MACROD2: variants seen among roughly 807,000 people sequenced by gnomAD.
MACROD2 encodes the protein ADP-ribose glycohydrolase MACROD2.
MACROD2 carries 36 observed loss-of-function variants against 70.4 expected under a neutral mutation model. The ratio of observed to expected loss-of-function variants is 0.51; its 90% confidence interval spans 0.39 to 0.68. The LOEUF (loss-of-function observed/expected upper bound fraction) is 0.68. MACROD2 is among the 30% of genes least tolerant of loss of function. MACROD2 has a pLI of 0.00. For missense variants in MACROD2, 496 were observed against 538.4 expected, an observed-to-expected ratio of 0.92 and a Z score of 0.78; for synonymous variants, 172 against 178.8, an observed-to-expected ratio of 0.96 and a Z score of 0.30.
intron 3 of MACROD2, among the ~76,000 whole-genome samples, chr20:14,201,896 G>T (rs1300829933): frequency 6.6e-6 from 1 of 150,958 alleles, no homozygotes; most frequent in Admixed American, 6.6e-5. Context: ...AAAGTGGGAT[G>T]GATATATATA....
At chr20:14,215,333 TATATACACAC>T (rs1347824218) in intron 3 of MACROD2, among the ~76,000 whole-genome samples, 2 of 96,322 alleles carry the variant, frequency 2.1e-5, no homozygotes, top group African/African-American at 7.8e-5. Flanking sequence ...TATGCCATCA[TATATACACAC>T]ACACACACAC....
intron 8 of MACROD2, among the ~76,000 whole-genome samples, chr20:15,819,462 TAA>T (rs1165367468): frequency 3.4e-5 from 5 of 145,072 alleles, no homozygotes; most frequent in African/African-American, 1.0e-4. Flanking sequence ...TATAAATATA[TAA>T]GTATATAAAT....
At chr20:14,385,667 T>C (rs1277611299) in intron 3 of MACROD2, among the ~76,000 whole-genome samples, 1 of 152,184 alleles carries the variant, frequency 6.6e-6, no homozygotes, top group Non-Finnish European at 1.5e-5. Flanking sequence ...TTTAAGTGCA[T>C]GTGTTTCTTT....
intron 5 of MACROD2, among the ~76,000 whole-genome samples, chr20:14,983,411 G>C (rs1388285637): frequency 1.3e-5 from 2 of 152,108 alleles, no homozygotes; most frequent in African/African-American, 4.8e-5. Flanking sequence ...GCCAGGGGCA[G>C]AGTGATATGG....
chr20:15,380,531 C>T (rs759396114), intron 6 of MACROD2, among the ~76,000 whole-genome samples: 15 of 150,304 alleles, frequency 1.0e-4, no homozygotes, highest in African/African-American at 2.9e-4. Context: ...ATATGCAAAA[C>T]GAATCACTTC....
At chr20:14,310,481 A>G (rs1198092923) in intron 3 of MACROD2, among the ~76,000 whole-genome samples, 1 of 152,196 alleles carries the variant, frequency 6.6e-6, no homozygotes, top group Admixed American at 6.5e-5. Context: ...GTACTCGCGT[A>G]TTTGTGGTGA....
chr20:15,424,192 C>G (rs1466147129), intron 6 of MACROD2, among the ~76,000 whole-genome samples: 2 of 152,120 alleles, frequency 1.3e-5, no homozygotes, highest in Non-Finnish European at 1.5e-5. Flanking sequence ...CAGTCTATTG[C>G]AGAGGAACTG....
rs114556469 is a variant in MACROD2, at chr20:15,691,214, A to G, written c.646-171531A>G. Among the ~76,000 whole-genome samples the G allele has an allele frequency of 2.1e-3, 321 of 152,336 alleles. 2 individuals carry two copies. Among genetic ancestry groups the G allele is most frequent in the African/African-American group, 7.2e-3 (301 of 41,584 alleles). On this transcript the variant is annotated intron_variant, in intron 8 of 17. Coordinates refer to ENST00000684519, the MANE Select transcript of MACROD2 (RefSeq NM_001351661.2). ...GAATTGAGTCATTTCCCTGCTCTTCATTTGTTAGTTGGCTGACCTTGGATG... is the reference window on the plus strand; with the variant it reads ...GAATTGAGTCATTTCCCTGCTCTTCGTTTGTTAGTTGGCTGACCTTGGATG...
chr20:14,057,346 G>A (rs535783085), intron 2 of MACROD2, among the ~76,000 whole-genome samples: 1 of 152,264 alleles, frequency 6.6e-6, no homozygotes, highest in Admixed American at 6.5e-5. Flanking sequence ...AACAGTAACA[G>A]CAGATACTTG....
rs552304133 is a variant in MACROD2 at position 14,265,838 on chromosome 20, G to A, written c.271+180110G>A. On this transcript the variant is annotated intron_variant, in intron 3 of 17. Transcript: ENST00000684519. ...GCTACCCAGGCTGGAGTGCAGTGGC[G>A]TGATCTGGGCTCACTGCAAGCTCCG... 1.7e-4 allele frequency among the ~76,000 whole-genome samples: 25 copies of A among 146,610 alleles called. No homozygotes were observed. In the South Asian group the frequency reaches 2.2e-3, roughly 13 times the overall value.
chr20:15,664,673 C>T (rs1001777033), intron 8 of MACROD2, among the ~76,000 whole-genome samples: 4 of 152,138 alleles, frequency 2.6e-5, no homozygotes, highest in Admixed American at 6.6e-5. Flanking sequence ...TCTGGAACCT[C>T]AGGCTGAGGA....
At chr20:15,036,806 A>G (rs2075316464) in intron 5 of MACROD2, among the ~76,000 whole-genome samples, 1 of 152,046 alleles carries the variant, frequency 6.6e-6, no homozygotes. Context: ...ATTAGCACGA[A>G]CTGTACAAAA....
chr20:14,016,632 T>C (rs1252002035), intron 2 of MACROD2, among the ~76,000 whole-genome samples: 4 of 152,140 alleles, frequency 2.6e-5, no homozygotes, highest in Non-Finnish European at 4.4e-5. Context: ...CAGTATTTGC[T>C]GTTGAAAAGA....
intron 8 of MACROD2, among the ~76,000 whole-genome samples, chr20:15,506,809 G>A (rs962453977): frequency 2.0e-5 from 3 of 152,232 alleles, no homozygotes; most frequent in Non-Finnish European, 2.9e-5. Flanking sequence ...ATGCAGGGGT[G>A]TGGTTAACAT....
intron 7 of MACROD2, among the ~76,000 whole-genome samples, chr20:15,488,832 C>A (rs1243284706): frequency 6.6e-6 from 1 of 152,186 alleles, no homozygotes; most frequent in African/African-American, 2.4e-5. Flanking sequence ...CCAGGTGATT[C>A]TATGAGATCT....
chr20:14,864,796 A>T (rs2073410220), intron 5 of MACROD2, among the ~76,000 whole-genome samples: 1 of 152,134 alleles, frequency 6.6e-6, no homozygotes, highest in South Asian at 2.1e-4. Context: ...TGCTTTAAAA[A>T]AAACAGTAGT....
At chr20:15,189,727 T>C (rs2076557721) in intron 5 of MACROD2, among the ~76,000 whole-genome samples, 1 of 152,128 alleles carries the variant, frequency 6.6e-6, no homozygotes, top group African/African-American at 2.4e-5. Context: ...TAAGTACTTA[T>C]ATCTTGAGGA....
chr20:15,027,530 A>C (rs2075241238), intron 5 of MACROD2, among the ~76,000 whole-genome samples: 1 of 150,020 alleles, frequency 6.7e-6, no homozygotes, highest in Non-Finnish European at 1.5e-5. Flanking sequence ...CAGTCATAAA[A>C]TGTGGTGGTA....
At chr20:15,083,967 T>G (rs532851288) in intron 5 of MACROD2, among the ~76,000 whole-genome samples, 8 of 152,126 alleles carry the variant, frequency 5.3e-5, no homozygotes, top group African/African-American at 1.9e-4. Context: ...CAAAGGCCAT[T>G]AAATTCAATG....
Sources: allele counts gnomAD v4.1 joint callset (sites outside exome capture counted in the v4.1 genomes callset), GRCh38; gene constraint gnomAD v4.1.1; transcripts MANE v1.5; gene names NCBI Gene and HGNC (gene_info 2026-07-23, HGNC 2026-07-21).